The following ROBO2 variants were observed in gnomAD, a reference collection of about 807,000 sequenced individuals.
ROBO2 encodes roundabout guidance receptor 2, also known as roundabout homolog 2.
In ROBO2, 53 loss-of-function variants were observed where a neutral mutation model predicts 160.8. The observed-to-expected ratio is 0.33, with a 90% CI of 0.26 to 0.41. The LOEUF (loss-of-function observed/expected upper bound fraction) is 0.41. ROBO2 is among the 10% of genes least tolerant of loss of function. ROBO2 has a pLI of 1.00. For synonymous variants in ROBO2, 664 were observed against 611.7 expected (o/e 1.09, Z -1.26); for missense variants, 1,577 against 1,722.4 (o/e 0.92, Z 1.49).
intron 2 of ROBO2, among the ~76,000 whole-genome samples, chr3:76,356,224 T>C (rs2108333867): frequency 6.6e-6 from 1 of 151,622 alleles, no homozygotes; most frequent in South Asian, 2.1e-4. Context: ...TCTAATGGAA[T>C]ACTACAAAGC....
chr3:76,308,269 C>T (rs1000084907), intron 2 of ROBO2, among the ~76,000 whole-genome samples: 1 of 148,774 alleles, frequency 6.7e-6, no homozygotes, highest in South Asian at 2.1e-4. Flanking sequence ...CCCAGCTACT[C>T]GAGAGGCTGA....
At chr3:76,058,788 A>G in intron 2 of ROBO2, among the ~76,000 whole-genome samples, 1 of 116,620 alleles carries the variant, frequency 8.6e-6, no homozygotes, top group Non-Finnish European at 1.8e-5. Flanking sequence ...TCCTAATGCT[A>G]TCCCTCCCCC....
chr3:76,287,762 G>C (rs1215936559), intron 2 of ROBO2, among the ~76,000 whole-genome samples: 2 of 152,196 alleles, frequency 1.3e-5, no homozygotes, highest in Non-Finnish European at 2.9e-5. Flanking sequence ...GTAAAATAAA[G>C]ATGATCAATC....
At chr3:77,476,939 CTA>C (rs1439790774) in intron 2 of ROBO2, among the ~76,000 whole-genome samples, 1 of 150,056 alleles carries the variant, frequency 6.7e-6, no homozygotes, top group Non-Finnish European at 1.5e-5. Flanking sequence ...TGGATCTTGT[CTA>C]TGTTTGTGTC....
intron 2 of ROBO2, among the ~76,000 whole-genome samples, chr3:76,502,615 G>A (rs897088889): frequency 7.2e-5 from 11 of 151,930 alleles, no homozygotes; most frequent in South Asian, 2.1e-4. Context: ...GCAAGTGTAC[G>A]TATTTATGGG....
intron 2 of ROBO2, among the ~76,000 whole-genome samples, chr3:76,508,555 G>A (rs901182934): frequency 3.9e-5 from 6 of 152,040 alleles, no homozygotes; most frequent in African/African-American, 1.4e-4. Context: ...CATTAAGTAG[G>A]TGGAGGAAAC....
intron 2 of ROBO2, among the ~76,000 whole-genome samples, chr3:76,891,432 C>T (rs925714380): frequency 2.6e-5 from 4 of 152,108 alleles, no homozygotes; most frequent in African/African-American, 4.8e-5. Context: ...AGGAGATTTA[C>T]GACTACTTTT....
intron 2 of ROBO2, among the ~76,000 whole-genome samples, chr3:76,364,664 TC>T (rs1404355053): frequency 1.3e-5 from 2 of 152,056 alleles, no homozygotes; most frequent in Non-Finnish European, 2.9e-5. Context: ...ATCTGATTTT[TC>T]ACATAAAACC....
intron 1 of ROBO2, among the ~76,000 whole-genome samples, chr3:77,079,524 A>T (rs2149910219): frequency 6.6e-6 from 1 of 152,292 alleles, no homozygotes; most frequent in Non-Finnish European, 1.5e-5. Context: ...ACCCCACAAA[A>T]CTTTTAAGTA....
chr3:77,067,159 A>T (rs1002071619), intron 1 of ROBO2, among the ~76,000 whole-genome samples: 17 of 152,118 alleles, frequency 1.1e-4, no homozygotes, highest in African/African-American at 4.1e-4. Flanking sequence ...TCGTGACTGC[A>T]TAAGTTGTAG....
At chr3:77,391,787 G>C (rs2074763011) in intron 2 of ROBO2, among the ~76,000 whole-genome samples, 1 of 152,068 alleles carries the variant, frequency 6.6e-6, no homozygotes, top group Non-Finnish European at 1.5e-5. Context: ...TTGAACTCCT[G>C]ATCTCACATG....
At chr3:76,079,259 T>A (rs2068739672) in intron 2 of ROBO2, among the ~76,000 whole-genome samples, 5 of 152,086 alleles carry the variant, frequency 3.3e-5, no homozygotes, top group Admixed American at 3.3e-4. Flanking sequence ...TAGGTAACAA[T>A]CATTTATTGC....
At chr3:76,151,844 A>G (rs998502559) in intron 2 of ROBO2, among the ~76,000 whole-genome samples, 1 of 152,294 alleles carries the variant, frequency 6.6e-6, no homozygotes, top group East Asian at 1.9e-4. Flanking sequence ...GGAAGGAAAT[A>G]TAGTTTAATG....
chr3:76,638,543 C>G (rs2090461462), intron 2 of ROBO2, among the ~76,000 whole-genome samples: 1 of 152,044 alleles, frequency 6.6e-6, no homozygotes, highest in Admixed American at 6.6e-5. Flanking sequence ...CTTCAACTAT[C>G]AGCTCAGGTA....
At chr3:76,180,911 A>T (rs1701472027) in intron 2 of ROBO2, among the ~76,000 whole-genome samples, 1 of 151,062 alleles carries the variant, frequency 6.6e-6, no homozygotes, top group South Asian at 2.1e-4. Context: ...CCACCTTCCC[A>T]CTCTCCCCTA....
chr3:76,948,909 T>TATATATATATATA (rs1553703171), intron 2 of ROBO2, among the ~76,000 whole-genome samples: 18 of 21,730 alleles, frequency 8.3e-4, no homozygotes, highest in African/African-American at 1.2e-3. Flanking sequence ...TATATATATA[T>TATATATATATATA]TTTTTTTTTT....
chr3:76,919,922 T>C (rs1427568326), intron 2 of ROBO2, among the ~76,000 whole-genome samples: 1 of 152,188 alleles, frequency 6.6e-6, no homozygotes, highest in East Asian at 1.9e-4. Flanking sequence ...AATATTGATA[T>C]AAGCAGAATA....
intron 2 of ROBO2, among the ~76,000 whole-genome samples, chr3:76,062,318 AT>A (rs1361602254): frequency 2.9e-5 from 4 of 135,910 alleles, no homozygotes; most frequent in Admixed American, 7.7e-5. Flanking sequence ...TAACTTAAAA[AT>A]TTCAGTTGAA....
intron 2 of ROBO2, among the ~76,000 whole-genome samples, chr3:77,136,642 T>TG (rs1440332138): frequency 7.6e-6 from 1 of 130,876 alleles, no homozygotes; most frequent in South Asian, 2.8e-4. Context: ...ACCCAATTAA[T>TG]TTTTTTTTTT....
Sources: allele counts gnomAD v4.1 joint callset (sites outside exome capture counted in the v4.1 genomes callset), GRCh38; gene constraint gnomAD v4.1.1; transcripts MANE v1.5; gene names NCBI Gene and HGNC (gene_info 2026-07-23, HGNC 2026-07-21).